EXT1: variants seen among roughly 807,000 people sequenced by gnomAD.
EXT1 encodes exostosin-1.
In EXT1, 20 loss-of-function variants were observed where a neutral mutation model predicts 82.5. The observed-to-expected ratio is 0.24, with a 90% CI of 0.17 to 0.35. EXT1 has a LOEUF of 0.35. Ranked by LOEUF, EXT1 falls within the 10% of genes least tolerant of loss-of-function variation. The pLI is 1.00. For missense variants in EXT1, 757 were observed against 936.5 expected, an observed-to-expected ratio of 0.81 and a Z score of 2.50; for synonymous variants, 348 against 350.8, an observed-to-expected ratio of 0.99 and a Z score of 0.09.
chr8:117,875,964 CTGAACT>C (rs1812962497), intron 1 of EXT1, among the ~76,000 whole-genome samples: 1 of 152,198 alleles, frequency 6.6e-6, no homozygotes, highest in Non-Finnish European at 1.5e-5. Context: ...AGACTGAAAG[CTGAACT>C]GAAGCTTTCC....
chr8:117,858,732 G>A (rs1323948809), intron 1 of EXT1, among the ~76,000 whole-genome samples: 1 of 34,026 alleles, frequency 2.9e-5, no homozygotes, highest in Non-Finnish European at 7.8e-5. Context: ...AAGGAAGGAA[G>A]GAAGGAAGGA....
chr8:118,084,541 T>C (rs1817385852), intron 1 of EXT1, among the ~76,000 whole-genome samples: 2 of 152,204 alleles, frequency 1.3e-5, no homozygotes, highest in African/African-American at 4.8e-5. Context: ...TTATTAAGCC[T>C]GCCTGACAGA....
At chr8:117,909,035 G>A (rs1421747881) in intron 1 of EXT1, among the ~76,000 whole-genome samples, 1 of 151,966 alleles carries the variant, frequency 6.6e-6, no homozygotes, top group Non-Finnish European at 1.5e-5. Context: ...GGAAGGCTGA[G>A]GCAGGAGAAT....
chr8:117,908,957 C>G (rs543979054), intron 1 of EXT1, among the ~76,000 whole-genome samples: 14 of 151,808 alleles, frequency 9.2e-5, no homozygotes, highest in East Asian at 1.9e-4. Context: ...AACCTCGAAA[C>G]CTCATCTCTA....
intron 1 of EXT1, among the ~76,000 whole-genome samples, chr8:117,932,596 C>A (rs1451848476): frequency 6.6e-6 from 1 of 152,168 alleles, no homozygotes; most frequent in Non-Finnish European, 1.5e-5. Flanking sequence ...CTGTCCCACA[C>A]TCACTTCCCT....
intron 1 of EXT1, among the ~76,000 whole-genome samples, chr8:117,987,773 C>T (rs775476864): frequency 1.2e-4 from 19 of 152,100 alleles, no homozygotes; most frequent in African/African-American, 2.7e-4. Context: ...GTGAAGGATA[C>T]GGCTGGGGAT....
At chr8:118,051,964 A>G (rs1816725308) in intron 1 of EXT1, among the ~76,000 whole-genome samples, 1 of 152,206 alleles carries the variant, frequency 6.6e-6, no homozygotes, top group Non-Finnish European at 1.5e-5. Flanking sequence ...CTAAAAAGTA[A>G]AAGTCGGCAA....
At chr8:117,816,330 A>T (rs11996407) in intron 7 of EXT1, among the ~76,000 whole-genome samples, 21,227 of 152,086 alleles carry the variant, frequency 0.14, 1,616 homozygotes, top group Admixed American at 0.17. Flanking sequence ...CATTTATTGA[A>T]CCCTTGGTGC....
chr8:118,091,614 G>A (rs1307327207), intron 1 of EXT1, among the ~76,000 whole-genome samples: 6 of 151,998 alleles, frequency 3.9e-5, no homozygotes, highest in Non-Finnish European at 7.4e-5. Context: ...GCATGGTGGC[G>A]GGCACCTGTA....
intron 1 of EXT1, among the ~76,000 whole-genome samples, chr8:117,981,319 A>G (rs1489297229): frequency 3.9e-5 from 6 of 152,230 alleles, no homozygotes; most frequent in Non-Finnish European, 5.9e-5. Context: ...TGCACTGCCT[A>G]TGAACAAAGG....
At position 118,091,461 on chromosome 8, in the gene EXT1, G is replaced by A. The variant is rs537638389; in HGVS notation, c.962+18624C>T. On this transcript the variant is annotated intron_variant, in intron 1 of 10. Coordinates refer to ENST00000378204, the MANE Select transcript of EXT1 (RefSeq NM_000127.3). ...TTACAAAAAAATAAATAAGTCGGCCGGGCGCGGTGGCTCACGCCTGTAATC... is the reference window on the plus strand; with the variant it reads ...TTACAAAAAAATAAATAAGTCGGCCAGGCGCGGTGGCTCACGCCTGTAATC... Among the ~76,000 whole-genome samples the A allele has an allele frequency of 2.6e-4, 39 of 152,166 alleles. No homozygotes were observed. The South Asian group carries it at 6.4e-3, about 25-fold the overall frequency.
intron 1 of EXT1, among the ~76,000 whole-genome samples, chr8:117,921,004 A>T (rs1423053916): frequency 6.6e-6 from 1 of 152,218 alleles, no homozygotes; most frequent in Non-Finnish European, 1.5e-5. Context: ...TGTATCTTCA[A>T]ATTTGTAAAA....
At chr8:117,804,624 T>C (rs554179188) in intron 10 of EXT1, 98 bp downstream of exon 10, 1 of 1,337,236 alleles carries the variant, frequency 7.5e-7, no homozygotes, top group African/African-American at 1.4e-5. Context: ...CCTCATTATA[T>C]GCTCCTGGGT....
At chr8:117,835,038 A>G (rs968432350) in intron 3 of EXT1, among the ~76,000 whole-genome samples, 1 of 152,212 alleles carries the variant, frequency 6.6e-6, no homozygotes, top group Non-Finnish European at 1.5e-5. Flanking sequence ...CACTAATTAC[A>G]AGAACAAGCC....
At chr8:118,049,283 A>G (rs916570243) in intron 1 of EXT1, among the ~76,000 whole-genome samples, 1 of 152,272 alleles carries the variant, frequency 6.6e-6, no homozygotes, top group African/African-American at 2.4e-5. Context: ...ACATAGCATC[A>G]GCATAATCTC....
intron 1 of EXT1, among the ~76,000 whole-genome samples, chr8:118,039,002 T>A (rs1816477506): frequency 6.6e-6 from 1 of 152,220 alleles, no homozygotes; most frequent in South Asian, 2.1e-4. Context: ...TTTGTCTACC[T>A]TATCCCACAC....
chr8:118,109,140 A>G (rs575781946), intron 1 of EXT1, among the ~76,000 whole-genome samples: 1 of 152,274 alleles, frequency 6.6e-6, no homozygotes, highest in African/African-American at 2.4e-5. Flanking sequence ...AGTTACTGTC[A>G]CGGGGAAGGA....
intron 1 of EXT1, among the ~76,000 whole-genome samples, chr8:117,915,879 CAA>C (rs1198376845): frequency 6.6e-6 from 1 of 151,944 alleles, no homozygotes; most frequent in Non-Finnish European, 1.5e-5. Flanking sequence ...CAAAACAAAA[CAA>C]AACAAAACAA....
At chr8:117,898,801 A>G (rs1404486991) in intron 1 of EXT1, among the ~76,000 whole-genome samples, 1 of 151,500 alleles carries the variant, frequency 6.6e-6, no homozygotes, top group East Asian at 1.9e-4. Flanking sequence ...TTTCCACATT[A>G]CCTACTAAAC....
Sources: gnomAD v4.1 joint callset for allele counts (sites outside exome capture counted in the v4.1 genomes callset) on GRCh38, gnomAD v4.1.1 for gene constraint, MANE v1.5 for transcripts, NCBI Gene and HGNC (gene_info 2026-07-23, HGNC 2026-07-21) for gene names.